The following UNC5D variants were observed in gnomAD, a reference collection of about 807,000 sequenced individuals.
UNC5D encodes netrin receptor UNC5D.
Under a neutral mutation model 105.4 loss-of-function variants are expected in UNC5D, and 39 were observed. That is an observed-to-expected ratio of 0.37 (90% CI 0.29 to 0.48). The LOEUF (loss-of-function observed/expected upper bound fraction) is 0.48. UNC5D is among the 20% of genes least tolerant of loss of function. The probability of loss-of-function intolerance (pLI) is 0.98; values close to 1 mark genes in which losing one functional copy is unlikely to be tolerated. For missense variants in UNC5D, 991 were observed against 1,202.4 expected (o/e 0.82, Z 2.60); for synonymous variants, 452 against 450.4 (o/e 1.00, Z -0.04).
intron 1 of UNC5D, among the ~76,000 whole-genome samples, chr8:35,336,781 A>G (rs1218073652): frequency 8.0e-6 from 1 of 125,660 alleles, no homozygotes; most frequent in Non-Finnish European, 1.7e-5. Context: ...GATAGACCAA[A>G]GGAAATAGTG....
intron 4 of UNC5D, among the ~76,000 whole-genome samples, chr8:35,602,398 G>A (rs1192392377): frequency 6.6e-6 from 1 of 152,170 alleles, no homozygotes; most frequent in Non-Finnish European, 1.5e-5. Context: ...TTGTACCTCT[G>A]GTAGAATTCG....
intron 1 of UNC5D, among the ~76,000 whole-genome samples, chr8:35,546,867 T>G (rs965901670): frequency 2.6e-5 from 4 of 152,214 alleles, no homozygotes; most frequent in Admixed American, 2.0e-4. Context: ...ATATACACAT[T>G]TTATTTTCTG....
chr8:35,520,939 A>G (rs1197776007), intron 1 of UNC5D, among the ~76,000 whole-genome samples: 2 of 152,140 alleles, frequency 1.3e-5, no homozygotes, highest in Non-Finnish European at 2.9e-5. Context: ...ATACTTCATA[A>G]TGAAATTCCA....
chr8:35,480,833 A>G (rs1810438296), intron 1 of UNC5D, among the ~76,000 whole-genome samples: 1 of 152,232 alleles, frequency 6.6e-6, no homozygotes, highest in South Asian at 2.1e-4. Context: ...TCTGATTACC[A>G]CAATGATAAA....
At chr8:35,553,419 A>G (rs1396025777) in intron 2 of UNC5D, among the ~76,000 whole-genome samples, 1 of 152,186 alleles carries the variant, frequency 6.6e-6, no homozygotes, top group Non-Finnish European at 1.5e-5. Flanking sequence ...CAAAAAATTC[A>G]TAAATGACCA....
chr8:35,410,009 G>GCATCGCCCAGC (rs6150551), intron 1 of UNC5D, among the ~76,000 whole-genome samples: 1 of 150,396 alleles, frequency 6.6e-6, no homozygotes, highest in Non-Finnish European at 1.5e-5. Flanking sequence ...AATTTCCTTC[G>GCATCGCCCAGC]CATGGCCTCC....
rs76769661 is a variant in UNC5D at position 35,311,392 on chromosome 8, A to T, written c.103+75505A>T. On this transcript the variant is annotated intron_variant, in intron 1 of 16. Transcript: ENST00000404895. ...GTAGTAGTCAAAAGTTCAGGCTCAG[A>T]TGCTGGACAGGCCTGGGTTTTGTGC... Among the ~76,000 whole-genome samples, 941 of 152,254 alleles carry T rather than the reference A, an allele frequency of 6.2e-3. 5 individuals are homozygous for T. Among genetic ancestry groups the T allele is most frequent in the Non-Finnish European group, 0.011 (738 of 68,012 alleles).
At chr8:35,349,884 T>C (rs1812077995) in intron 1 of UNC5D, among the ~76,000 whole-genome samples, 1 of 151,982 alleles carries the variant, frequency 6.6e-6, no homozygotes, top group Admixed American at 6.6e-5. Flanking sequence ...CTGCTGCAAG[T>C]AACTGGCAGT....
At chr8:35,446,606 T>C (rs1807811374) in intron 1 of UNC5D, among the ~76,000 whole-genome samples, 1 of 152,094 alleles carries the variant, frequency 6.6e-6, no homozygotes, top group Non-Finnish European at 1.5e-5. Flanking sequence ...ATAAATGAGT[T>C]TCATTAGACA....
intron 10 of UNC5D, chr8:35,727,754 G>A (rs1311857551): frequency 6.6e-6 from 1 of 152,154 alleles, no homozygotes; most frequent in Non-Finnish European, 1.5e-5. Flanking sequence ...TTGTTCAAAT[G>A]TGTATGCGTG....
chr8:35,639,804 G>A (rs956632642), intron 4 of UNC5D, among the ~76,000 whole-genome samples: 1 of 151,986 alleles, frequency 6.6e-6, no homozygotes, highest in Non-Finnish European at 1.5e-5. Context: ...AAGAGCAGTG[G>A]TGTGATCTCA....
chr8:35,553,280 A>G (rs1488515108), intron 2 of UNC5D, among the ~76,000 whole-genome samples: 1 of 151,696 alleles, frequency 6.6e-6, no homozygotes, highest in East Asian at 1.9e-4. Context: ...TTGCTAGGCA[A>G]CTCCATGTCA....
chr8:35,425,049 G>T (rs577251523), intron 1 of UNC5D, among the ~76,000 whole-genome samples: 8 of 152,104 alleles, frequency 5.3e-5, no homozygotes, highest in Non-Finnish European at 4.4e-5. Context: ...GTGGGGGAAG[G>T]GGGGAGGGAT....
chr8:35,746,904 A>G (rs1830036038), intron 11 of UNC5D, among the ~76,000 whole-genome samples: 1 of 152,212 alleles, frequency 6.6e-6, no homozygotes, highest in Admixed American at 6.5e-5. Flanking sequence ...TACAGGCTGC[A>G]CATTTGAATT....
intron 1 of UNC5D, among the ~76,000 whole-genome samples, chr8:35,277,636 CATT>C (rs1259602817): frequency 3.3e-5 from 5 of 152,194 alleles, no homozygotes; most frequent in African/African-American, 1.2e-4. Context: ...TGTTGTCTCT[CATT>C]ATGTGAGCTG....
At chr8:35,776,618 T>C (rs941098106) in intron 16 of UNC5D, among the ~76,000 whole-genome samples, 5 of 152,180 alleles carry the variant, frequency 3.3e-5, no homozygotes, top group Admixed American at 6.5e-5. Flanking sequence ...ATGTGGCTGA[T>C]GGTTTACTTG....
chr8:35,251,568 G>T (rs528436878), intron 1 of UNC5D, among the ~76,000 whole-genome samples: 1 of 152,248 alleles, frequency 6.6e-6, no homozygotes, highest in Admixed American at 6.5e-5. Flanking sequence ...TCTTGCTAGG[G>T]TAAAAGAATT....
At position 35,793,320 on chromosome 8, in the gene UNC5D, T is replaced by G. The variant is rs1803127916; in HGVS notation, c.*2757T>G. 1 of 317,204 alleles carries G rather than the reference T, an allele frequency of 3.2e-6. No homozygotes were observed. Among genetic ancestry groups the G allele is most frequent in the African/African-American group, 2.2e-5 (1 of 45,424 alleles). The allele number at this position is 317,204 out of a possible 1,614,324, so 19.6% of individuals were successfully genotyped here. A position where few individuals can be genotyped will look rare whatever the true frequency, so the allele number is the denominator to read the frequency against. Reference sequence around the variant, plus strand: ...TAAAAAGTGAGCTTACACTTGAACTTAGTTATTCACTGTGACCTAAATTTA... The same window carrying G: ...TAAAAAGTGAGCTTACACTTGAACTGAGTTATTCACTGTGACCTAAATTTA... On this transcript the variant is annotated 3_prime_UTR_variant, in exon 17 of 17. Coordinates refer to ENST00000404895, the MANE Select transcript of UNC5D (RefSeq NM_080872.4).
chr8:35,330,391 A>G (rs1810521142), intron 1 of UNC5D, among the ~76,000 whole-genome samples: 1 of 152,152 alleles, frequency 6.6e-6, no homozygotes, highest in Non-Finnish European at 1.5e-5. Flanking sequence ...CTTCATCTGT[A>G]AAATAAAGGG....
Sources: gnomAD v4.1 joint callset for allele counts (sites outside exome capture counted in the v4.1 genomes callset) on GRCh38, gnomAD v4.1.1 for gene constraint, MANE v1.5 for transcripts, NCBI Gene and HGNC (gene_info 2026-07-23, HGNC 2026-07-21) for gene names.